SLC36A3: variants seen among roughly 807,000 people sequenced by gnomAD.
The protein encoded by SLC36A3 is proton-coupled amino acid transporter 3.
In SLC36A3, 35 loss-of-function variants were observed where a neutral mutation model predicts 44.3. That is an observed-to-expected ratio of 0.79 (90% CI 0.60 to 1.05). The LOEUF is 1.05. Among genes scored for constraint, SLC36A3 ranks in the 50% least tolerant of loss-of-function variants. The pLI is 0.00. For missense variants in SLC36A3, 540 were observed against 578.7 expected (o/e 0.93, Z 0.69); for synonymous variants, 211 against 227.6 (o/e 0.93, Z 0.66).
intron 2 of SLC36A3, chr5:151,297,757 G>C (rs1755008241): frequency 6.6e-6 from 1 of 152,390 alleles, no homozygotes; most frequent in Admixed American, 6.5e-5. Flanking sequence ...GAGGTCAGGA[G>C]TTTGAGACCT....
In SLC36A3 at chr5:151,303,652, T is replaced by C. The variant is rs1580832330; in HGVS notation, c.-298A>G. Reference sequence around the variant, plus strand: ...TGCCCAACCAGGACTTGCCTGGGCTTTTGGCCTCTCCTAGTTTAGCCCTTG... The same window carrying C: ...TGCCCAACCAGGACTTGCCTGGGCTCTTGGCCTCTCCTAGTTTAGCCCTTG... On this transcript the variant is annotated 5_prime_UTR_variant, in exon 1 of 10. Transcript: ENST00000335230. The C allele has an allele frequency of 3.1e-6, 1 of 317,704 alleles. No homozygotes were observed. Among genetic ancestry groups the C allele is most frequent in the East Asian group, 5.5e-5 (1 of 18,202 alleles). 19.7% of individuals were successfully genotyped at this position (317,704 alleles called of 1,614,324 possible).
chr5:151,284,747 A>AT, intron 6 of SLC36A3, 36 bp from the exon 7 acceptor site: 1 of 1,549,928 alleles, frequency 6.5e-7, no homozygotes, highest in Non-Finnish European at 8.9e-7. Context: ...TGGTGTTGTT[A>AT]TGGTGTCGAA....
intron 3 of SLC36A3, among the ~76,000 whole-genome samples, chr5:151,294,986 A>G (rs1754910358): frequency 6.6e-6 from 1 of 152,106 alleles, no homozygotes; most frequent in Admixed American, 6.6e-5. Flanking sequence ...CCCCCAAAAC[A>G]TAACTGAAGG....
At chr5:151,284,470 A>T in intron 7 of SLC36A3, 143 bp downstream of exon 7, 1 of 704,686 alleles carries the variant, frequency 1.4e-6, no homozygotes, top group Non-Finnish European at 2.3e-6. Context: ...GGGACCCTGT[A>T]TGTGGGTACA....
Position 151,288,464 on chromosome 5 carries a change from A to C in SLC36A3, c.411T>G (p.Thr137=). 6.4e-7 allele frequency: 1 copy of C among 1,566,238 alleles called. No individual in the cohort carries two copies. The highest frequency in any genetic ancestry group is 8.7e-7 in the Non-Finnish European group (1 of 1,154,614). The stretch of plus-strand genomic sequence containing the variant: ...GGGTGATGACTAATAAGAAGCTGAC[A>C]GTGTACCTGGGAAGGAAAGGAAGAG... ...LRAHAVWGRY[T]VSFLLVITQL... The change falls in exon 5 of 10, where the codon ACT becomes ACG. Residue 137 remains threonine, a synonymous_variant. Coordinates refer to ENST00000335230, the MANE Select transcript of SLC36A3 (RefSeq NM_181774.4).
chr5:151,277,580 A>G lies in SLC36A3; in HGVS notation c.1226T>C (p.Ile409Thr), dbSNP rs1018843282. The G allele has an allele frequency of 6.2e-7, 1 of 1,614,194 alleles. No individual in the cohort carries two copies. Among genetic ancestry groups the G allele is most frequent in the East Asian group, 2.2e-5 (1 of 44,882 alleles). Reference sequence around the variant, plus strand: ...GACGATCTCCAGGAGGGCTGGGATGATGAGAGCCAGGGCGCTGCTGCTCAC... The same window carrying G: ...GACGATCTCCAGGAGGGCTGGGATGGTGAGAGCCAGGGCGCTGCTGCTCAC... ...GSVSSSALAL[I>T]IPALLEIVIF... is the part of the protein sequence containing the mutation. Residue 409 changes from isoleucine (I) to threonine (T), a missense_variant, in exon 10 of 10, where the codon ATC (isoleucine) becomes ACC (threonine). By Grantham distance (89) the Ile-to-Thr change is moderately conservative (BLOSUM62 -1). Coordinates refer to ENST00000335230, the MANE Select transcript of SLC36A3 (RefSeq NM_181774.4).
chr5:151,287,127 G>T, intron 6 of SLC36A3, 119 bp downstream of exon 6: 1 of 918,230 alleles, frequency 1.1e-6, no homozygotes, highest in Non-Finnish European at 1.6e-6. Flanking sequence ...GTTGGCAGGG[G>T]CTGCTCAGAG....
At chr5:151,300,494 C>A (rs1403359896) in intron 1 of SLC36A3, among the ~76,000 whole-genome samples, 3 of 152,170 alleles carry the variant, frequency 2.0e-5, no homozygotes, top group African/African-American at 2.4e-5. Flanking sequence ...TTTGTCAATT[C>A]TTAAGTAGTA....
At chr5:151,292,500 G>A (rs1157038028) in intron 4 of SLC36A3, among the ~76,000 whole-genome samples, 1 of 152,114 alleles carries the variant, frequency 6.6e-6, no homozygotes, top group Non-Finnish European at 1.5e-5. Flanking sequence ...CATATTTCCA[G>A]GGCAATAAAA....
chr5:151,289,109 C>T (rs1186472841), intron 4 of SLC36A3: 2 of 153,432 alleles, frequency 1.3e-5, no homozygotes, highest in African/African-American at 4.8e-5. Flanking sequence ...ATACTTAAAC[C>T]CTAAATTCTT....
At chr5:151,302,746 T>TA (rs1554096125) in intron 1 of SLC36A3, among the ~76,000 whole-genome samples, 2 of 151,722 alleles carry the variant, frequency 1.3e-5, no homozygotes, top group African/African-American at 4.8e-5. Flanking sequence ...TAAATTAAAT[T>TA]TAATTTAATT....
chr5:151,281,161 T>A lies in SLC36A3; in HGVS notation c.997A>T (p.Met333Leu), dbSNP rs1284413944. ...NCWLYQSVKL[M>L]YSIGIFFTYA... ...GTGAAGAAGATGCCGATAGAGTACA[T>A]CAGCTTGACTGACTGGTACAACCTG... Residue 333 changes from methionine to leucine, a missense_variant, in exon 9 of 10, where the codon ATG becomes TTG. Met to Leu is a conservative substitution (Grantham distance 15). Transcript: ENST00000335230. 4 of 1,612,326 alleles carry A rather than the reference T, an allele frequency of 2.5e-6. No individual in the cohort carries two copies. The highest frequency in any genetic ancestry group is 3.4e-6 in the Non-Finnish European group (4 of 1,179,168).
intron 6 of SLC36A3, among the ~76,000 whole-genome samples, chr5:151,284,994 A>T (rs1404068196): frequency 6.6e-6 from 1 of 152,204 alleles, no homozygotes; most frequent in Non-Finnish European, 1.5e-5. Context: ...CCATCTCCAG[A>T]ACATTTTCAT....
chr5:151,276,707 G>T lies in SLC36A3; in HGVS notation c.*686C>A, dbSNP rs1212887136. ...GTACTACTTTCTATCCACATAGCAG[G>T]GTATGGAGTTTCAGTTACTCCACCT... On this transcript the variant is annotated 3_prime_UTR_variant, in exon 10 of 10. Coordinates refer to ENST00000335230, the MANE Select transcript of SLC36A3 (RefSeq NM_181774.4). The T allele has an allele frequency of 6.6e-6, 1 of 152,288 alleles. No homozygotes were observed. The highest frequency in any genetic ancestry group is 2.4e-5 in the African/African-American group (1 of 41,440). 9.4% of individuals were successfully genotyped at this position (152,288 alleles called of 1,614,324 possible).
chr5:151,303,181 C>T (rs1416419699), intron 1 of SLC36A3, 46 bp downstream of exon 1: 2 of 1,580,612 alleles, frequency 1.3e-6, no homozygotes, highest in East Asian at 2.2e-5. Flanking sequence ...GTTGCAAAAA[C>T]AGCAGTGCTT....
intron 4 of SLC36A3, 64 bp downstream of exon 4, chr5:151,293,300 T>C (rs1754828015): frequency 1.4e-6 from 2 of 1,386,512 alleles, no homozygotes; most frequent in African/African-American, 1.4e-5. Flanking sequence ...CCTGTGTAAG[T>C]AGAAATAAAG....
intron 1 of SLC36A3, among the ~76,000 whole-genome samples, chr5:151,301,366 G>A (rs1755159949): frequency 6.6e-6 from 1 of 152,044 alleles, no homozygotes; most frequent in Non-Finnish European, 1.5e-5. Flanking sequence ...ATTGTTCCTG[G>A]GGATAACATC....
chr5:151,284,582 G>A (rs367817277), intron 7 of SLC36A3, 31 bp downstream of exon 7: 52 of 1,551,944 alleles, frequency 3.4e-5, no homozygotes, highest in Non-Finnish European at 3.9e-5. Context: ...AGGGCGCTAG[G>A]GACCATTCGC....
chr5:151,297,384 C>G (rs573338214), intron 2 of SLC36A3: 1 of 152,274 alleles, frequency 6.6e-6, no homozygotes, highest in South Asian at 2.1e-4. Context: ...AGGGGAGAGT[C>G]CAGTCTCTGG....
Sources: gnomAD v4.1 joint callset for allele counts (sites outside exome capture counted in the v4.1 genomes callset) on GRCh38, gnomAD v4.1.1 for gene constraint, MANE v1.5 for transcripts, NCBI Gene and HGNC (gene_info 2026-07-23, HGNC 2026-07-21) for gene names.